The following FBN2 variants were observed in gnomAD, a reference collection of about 807,000 sequenced individuals.
The protein encoded by FBN2 is fibrillin 2, also known as fibrillin-2.
In FBN2, 105 loss-of-function variants were observed where a neutral mutation model predicts 355.6. That is an observed-to-expected ratio of 0.30 (90% confidence interval 0.25 to 0.35). The LOEUF (loss-of-function observed/expected upper bound fraction) is 0.35, where lower values mean the gene tolerates loss of function less well. FBN2 is among the 10% of genes least tolerant of loss of function. FBN2 has a pLI of 1.00. For synonymous variants in FBN2, 1,350 were observed against 1,301.2 expected (o/e 1.04, Z -0.81); for missense variants, 3,280 against 3,758.7 (o/e 0.87, Z 3.33).
In FBN2 at chr5:128,301,383, T is replaced by C. The variant is rs770585421; in HGVS notation, c.6045A>G (p.Ile2015Met). ...ACTGCTTATTATTTAAATACTTACCTATACAGTTTTTGCCATCTGGGGTAA... is the reference window on the plus strand; with the variant it reads ...ACTGCTTATTATTTAAATACTTACCCATACAGTTTTTGCCATCTGGGGTAA... ...YELTPDGKNC[I>M]DTNECVALPG... Residue 2015 changes from isoleucine (I) to methionine (M), a missense_variant and splice_region_variant, in exon 47 of 65, where the codon ATA becomes ATG. By Grantham distance (10) the Ile-to-Met change is conservative. Coordinates refer to ENST00000262464, the MANE Select transcript of FBN2 (RefSeq NM_001999.4). 6.2e-7 allele frequency: 1 copy of C among 1,612,622 alleles called. No individual in the cohort carries two copies. Among genetic ancestry groups the C allele is most frequent in the Non-Finnish European group, 8.5e-7 (1 of 1,178,824 alleles).
intron 63 of FBN2, among the ~76,000 whole-genome samples, chr5:128,262,816 G>A (rs1221881773): frequency 2.0e-5 from 3 of 152,084 alleles, no homozygotes; most frequent in Admixed American, 6.5e-5. Context: ...TGAGCACCAC[G>A]GCCTTCCTGG....
Position 128,309,471 on chromosome 5 carries a change from T to C in FBN2, c.5201-72A>G, listed in dbSNP as rs376845287. ...GTTTATAATGAAGCCCACACAGCTGTAGACATCAAGCTTTCCTGATGAACA... is the reference window on the plus strand; with the variant it reads ...GTTTATAATGAAGCCCACACAGCTGCAGACATCAAGCTTTCCTGATGAACA... On this transcript the variant is annotated intron_variant, in intron 40 of 64. Coordinates refer to ENST00000262464, the MANE Select transcript of FBN2 (RefSeq NM_001999.4). 67 of 1,327,542 alleles carry C rather than the reference T, an allele frequency of 5.0e-5. 1 individual carries two copies. Among genetic ancestry groups the C allele is most frequent in the South Asian group, 4.2e-4 (35 of 84,198 alleles). The allele number at this position is 1,327,542 out of a possible 1,614,324, so 82.2% of individuals were successfully genotyped here.
At chr5:128,296,993 C>T (rs1749539548) in intron 48 of FBN2, among the ~76,000 whole-genome samples, 2 of 152,184 alleles carry the variant, frequency 1.3e-5, no homozygotes. Context: ...AAATTTCCCT[C>T]TACACACTGC....
chr5:128,457,129 A>G (rs535321008), intron 6 of FBN2, among the ~76,000 whole-genome samples: 1 of 152,314 alleles, frequency 6.6e-6, no homozygotes, highest in South Asian at 2.1e-4. Flanking sequence ...GAGCTGAAAA[A>G]CACAGCATGA....
intron 5 of FBN2, among the ~76,000 whole-genome samples, chr5:128,488,821 G>T (rs1755419712): frequency 6.6e-6 from 1 of 151,806 alleles, no homozygotes; most frequent in South Asian, 2.1e-4. Flanking sequence ...CCCTACAAAG[G>T]ACATGAACTC....
intron 5 of FBN2, among the ~76,000 whole-genome samples, chr5:128,506,550 T>C (rs949557280): frequency 3.3e-5 from 5 of 152,152 alleles, no homozygotes; most frequent in Admixed American, 1.3e-4. Context: ...CAGTAGATTT[T>C]TGTAAAGTCC....
intron 5 of FBN2, among the ~76,000 whole-genome samples, chr5:128,486,739 A>G (rs1246553322): frequency 6.6e-6 from 1 of 152,102 alleles, no homozygotes; most frequent in Non-Finnish European, 1.5e-5. Context: ...CGCCGTTTAC[A>G]TTAGGTATTT....
intron 7 of FBN2, among the ~76,000 whole-genome samples, chr5:128,444,501 C>A (rs1436954808): frequency 1.3e-5 from 2 of 152,200 alleles, no homozygotes; most frequent in Non-Finnish European, 2.9e-5. Context: ...ATTTCAAATT[C>A]TAATCACTAC....
intron 36 of FBN2, among the ~76,000 whole-genome samples, chr5:128,313,768 G>T (rs957598134): frequency 4.1e-5 from 6 of 145,022 alleles, no homozygotes; most frequent in South Asian, 2.2e-4. Context: ...CAGGAGAATG[G>T]CATGAACCTG....
intron 35 of FBN2, among the ~76,000 whole-genome samples, chr5:128,318,620 C>CAT (rs1466866815): frequency 2.0e-5 from 3 of 151,272 alleles, no homozygotes; most frequent in Non-Finnish European, 4.4e-5. Flanking sequence ...TATACATGAA[C>CAT]ATATATATAA....
At chr5:128,483,993 G>C (rs1755265130) in intron 5 of FBN2, among the ~76,000 whole-genome samples, 3 of 152,126 alleles carry the variant, frequency 2.0e-5, no homozygotes. Context: ...GATGGATTGG[G>C]CTGCCTAATA....
intron 16 of FBN2, among the ~76,000 whole-genome samples, chr5:128,368,220 T>C (rs1751824344): frequency 6.6e-6 from 1 of 151,988 alleles, no homozygotes; most frequent in Non-Finnish European, 1.5e-5. Context: ...AAAACACAGA[T>C]TGTGTTTATG....
intron 5 of FBN2, among the ~76,000 whole-genome samples, chr5:128,502,346 A>T (rs1157499628): frequency 6.6e-6 from 1 of 152,186 alleles, no homozygotes; most frequent in Non-Finnish European, 1.5e-5. Context: ...AAAAACAGCA[A>T]GTGACTTAGG....
intron 4 of FBN2, among the ~76,000 whole-genome samples, chr5:128,519,657 C>T (rs948353475): frequency 6.6e-6 from 1 of 151,596 alleles, no homozygotes; most frequent in Non-Finnish European, 1.5e-5. Context: ...TATTCGCTGG[C>T]TCTCATGCTC....
rs1462434655 is a variant in FBN2 at position 128,258,416 on chromosome 5, T to C, written c.*1039A>G. ...AACAACAACAACAACATATATTCCTTGGCTGCATTGCATGATTTGTTTGCA... is the reference window on the plus strand; with the variant it reads ...AACAACAACAACAACATATATTCCTCGGCTGCATTGCATGATTTGTTTGCA... On this transcript the variant is annotated 3_prime_UTR_variant, in exon 65 of 65. Transcript: ENST00000262464. 2.0e-5 allele frequency: 3 copies of C among 152,612 alleles called. No individual in the cohort carries two copies. Among genetic ancestry groups the C allele is most frequent in the Non-Finnish European group, 4.4e-5 (3 of 68,046 alleles). 9.5% of individuals were successfully genotyped at this position (152,612 alleles called of 1,614,324 possible). A position where few individuals can be genotyped will look rare whatever the true frequency, so the allele number is the denominator to read the frequency against.
intron 6 of FBN2, among the ~76,000 whole-genome samples, chr5:128,450,426 T>C (rs1308157716): frequency 1.3e-5 from 2 of 152,006 alleles, no homozygotes; most frequent in African/African-American, 2.4e-5. Context: ...ACAATATACT[T>C]TGAAACAATG....
Position 128,344,358 on chromosome 5 carries a change from T to C in FBN2, c.3343+27A>G, listed in dbSNP as rs746721703. On this transcript the variant is annotated intron_variant, in intron 25 of 64. Coordinates refer to ENST00000262464, the MANE Select transcript of FBN2 (RefSeq NM_001999.4). ...GTAAAGGAAAGACAGCCAGAGTTTATCAAATAAAACAGCAGAACCATCTTA... is the reference window on the plus strand; with the variant it reads ...GTAAAGGAAAGACAGCCAGAGTTTACCAAATAAAACAGCAGAACCATCTTA... The C allele has an allele frequency of 3.7e-6, 6 of 1,613,308 alleles. No homozygotes were observed. In the East Asian group the frequency reaches 1.3e-4, roughly 36 times the overall value.
At chr5:128,445,529 G>A (rs1754041226) in intron 7 of FBN2, among the ~76,000 whole-genome samples, 1 of 152,052 alleles carries the variant, frequency 6.6e-6, no homozygotes, top group African/African-American at 2.4e-5. Context: ...TTACAAAGAG[G>A]AATGCAGCTG....
At chr5:128,456,368 T>A (rs1471624710) in intron 6 of FBN2, among the ~76,000 whole-genome samples, 1 of 152,164 alleles carries the variant, frequency 6.6e-6, no homozygotes, top group Admixed American at 6.5e-5. Context: ...CTCCTCCTGG[T>A]AGTTCTGAGG....
Sources: allele counts gnomAD v4.1 joint callset (sites outside exome capture counted in the v4.1 genomes callset), GRCh38; gene constraint gnomAD v4.1.1; transcripts MANE v1.5; gene names NCBI Gene and HGNC (gene_info 2026-07-23, HGNC 2026-07-21).